The following BTAF1 variants were observed in gnomAD, a reference collection of about 807,000 sequenced individuals.
BTAF1 encodes the protein TATA-binding protein-associated factor 172.
BTAF1 carries 38 observed loss-of-function variants against 227.1 expected under a neutral mutation model. The ratio of observed to expected loss-of-function variants is 0.17; its 90% CI spans 0.13 to 0.22. BTAF1 has a LOEUF of 0.22. Among genes scored for constraint, BTAF1 ranks in the 10% least tolerant of loss-of-function variants. The pLI is 1.00. For missense variants in BTAF1, 1,598 were observed against 2,204.0 expected, an observed-to-expected ratio of 0.73 and a Z score of 5.51; for synonymous variants, 742 against 751.9, an observed-to-expected ratio of 0.99 and a Z score of 0.21.
At chr10:92,004,337 C>G (rs1478278198) in intron 25 of BTAF1, among the ~76,000 whole-genome samples, 1 of 152,124 alleles carries the variant, frequency 6.6e-6, no homozygotes, top group Non-Finnish European at 1.5e-5. Flanking sequence ...ATTATACTTA[C>G]CAGTTGAGCA....
chr10:92,011,042 GT>G (rs751111415), intron 28 of BTAF1, 30 bp from the exon 29 acceptor site: 9 of 1,532,068 alleles, frequency 5.9e-6, no homozygotes, highest in Non-Finnish European at 8.0e-6. Context: ...CAGGGTCTCT[GT>G]TTTCTAATTT....
intron 2 of BTAF1, among the ~76,000 whole-genome samples, chr10:91,937,012 CTT>C (rs373795380): frequency 9.1e-5 from 13 of 143,066 alleles, no homozygotes; most frequent in Non-Finnish European, 9.2e-5. Flanking sequence ...GTTTTGTTTT[CTT>C]TTTTTTTTTT....
intron 20 of BTAF1, among the ~76,000 whole-genome samples, chr10:91,990,053 T>C (rs1325185648): frequency 1.3e-5 from 2 of 152,240 alleles, no homozygotes; most frequent in Non-Finnish European, 2.9e-5. Flanking sequence ...TTTTAGTAAA[T>C]AATACTTAAC....
chr10:92,024,732 G>GTTTTTTTGTGT, intron 34 of BTAF1, 24 bp from the exon 35 acceptor site: 1 of 1,267,284 alleles, frequency 7.9e-7, no homozygotes, highest in African/African-American at 1.6e-5. Context: ...CGCTTATGTA[G>GTTTTTTTGTGT]TTTTTTTTTT....
intron 28 of BTAF1, among the ~76,000 whole-genome samples, chr10:92,010,447 G>T (rs1850220303): frequency 6.6e-6 from 1 of 152,152 alleles, no homozygotes; most frequent in Admixed American, 6.6e-5. Flanking sequence ...GCAGATTGTT[G>T]CTTCAGGCCC....
chr10:91,989,295 C>T lies in BTAF1; in HGVS notation c.2569C>T (p.His857Tyr). 6.2e-7 allele frequency: 1 copy of T among 1,614,152 alleles called. No homozygotes were observed. Among genetic ancestry groups the T allele is most frequent in the Non-Finnish European group, 8.5e-7 (1 of 1,180,034 alleles). The change falls in exon 20 of 38, where the codon CAT becomes TAT. Residue 857 changes from histidine (H) to tyrosine (Y), a missense_variant. His to Tyr is a moderately conservative substitution (Grantham distance 83). Around this residue, in one of 10 missense-constraint regions of BTAF1, gnomAD observed 425 missense variants for 491.2 expected, o/e 0.87. Coordinates refer to ENST00000265990, the MANE Select transcript of BTAF1 (RefSeq NM_003972.3). ...GTGGCAAGTGTTGCAGTTGAGAGTG[C>T]ATACTTTTGCTGCCTGTGCAGTTGT... ...QEWQVLQLRV[H>Y]TFAACAVVSL...
chr10:91,980,996 C>T (rs925569012), intron 15 of BTAF1, among the ~76,000 whole-genome samples: 18 of 151,964 alleles, frequency 1.2e-4, no homozygotes, highest in South Asian at 4.1e-4. Flanking sequence ...AAGGAGGAGC[C>T]GTTTGATATA....
chr10:91,950,149 G>GT (rs142564084), intron 4 of BTAF1, among the ~76,000 whole-genome samples: 2 of 39,596 alleles, frequency 5.1e-5, no homozygotes, highest in African/African-American at 1.3e-4. Flanking sequence ...TGTCCTTTGT[G>GT]GGGGGGGGCG....
intron 2 of BTAF1, among the ~76,000 whole-genome samples, chr10:91,936,714 A>G (rs1363912070): frequency 6.6e-6 from 1 of 152,234 alleles, no homozygotes; most frequent in Admixed American, 6.5e-5. Context: ...ATTAGGCAGT[A>G]TTCGTGTGTA....
Position 92,005,847 on chromosome 10 carries a change from G to A in BTAF1, c.3661-2276G>A, listed in dbSNP as rs1849840896. ...TTATACTATTGCAGATCTTTTTTAT[G>A]TCTGGTTTATGTTTTTGTTTTTTGG... is the stretch of plus-strand genomic sequence containing the variant. On this transcript the variant is annotated intron_variant, in intron 25 of 37. Coordinates refer to ENST00000265990, the MANE Select transcript of BTAF1 (RefSeq NM_003972.3). Among the ~76,000 whole-genome samples, 4 of 150,648 alleles carry A rather than the reference G, an allele frequency of 2.7e-5. No homozygotes were observed. In the South Asian group the frequency reaches 6.3e-4, roughly 24 times the overall value.
At chr10:91,926,299 G>A (rs955491473) in intron 1 of BTAF1, among the ~76,000 whole-genome samples, 1 of 152,150 alleles carries the variant, frequency 6.6e-6, no homozygotes, top group African/African-American at 2.4e-5. Context: ...TATTTCATAT[G>A]CATAACTGAA....
chr10:91,936,842 A>G (rs1844646054), intron 2 of BTAF1, among the ~76,000 whole-genome samples: 1 of 152,136 alleles, frequency 6.6e-6, no homozygotes, highest in African/African-American at 2.4e-5. Flanking sequence ...TGAACTGAGA[A>G]AAGTTTTCCA....
At chr10:91,932,775 T>G (rs1844357402) in intron 1 of BTAF1, among the ~76,000 whole-genome samples, 1 of 152,274 alleles carries the variant, frequency 6.6e-6, no homozygotes. Flanking sequence ...TGAATCCTGT[T>G]GGATGGGAGC....
intron 14 of BTAF1, among the ~76,000 whole-genome samples, chr10:91,967,471 A>G (rs552234736): frequency 6.6e-6 from 1 of 152,290 alleles, no homozygotes; most frequent in Admixed American, 6.5e-5. Context: ...TGGGCCAATC[A>G]TTTTTTAAAA....
chr10:92,010,966 G>C, intron 28 of BTAF1, 107 bp from the exon 29 acceptor site: 9 of 801,130 alleles, frequency 1.1e-5, no homozygotes, highest in Non-Finnish European at 1.9e-5. Context: ...GTAAGCAGAA[G>C]GGAATGCTGG....
intron 14 of BTAF1, among the ~76,000 whole-genome samples, chr10:91,975,115 G>A (rs145574376): frequency 2.0e-5 from 3 of 152,142 alleles, no homozygotes; most frequent in African/African-American, 7.2e-5. Flanking sequence ...TCCTAGACAT[G>A]AATCTCCTAT....
chr10:91,958,854 AT>A (rs1317396593), intron 8 of BTAF1, among the ~76,000 whole-genome samples: 1 of 152,178 alleles, frequency 6.6e-6, no homozygotes, highest in African/African-American at 2.4e-5. Context: ...TTCTTGCTTG[AT>A]TTTTAAAAAA....
Position 91,972,005 on chromosome 10 carries a change from T to G in BTAF1, c.1650+5248T>G, listed in dbSNP as rs999581130. ...TTCTAATTTACCTACTTCTGCCTTC[T>G]GTGTATTCATAAAAATTATCATCCT... On this transcript the variant is annotated intron_variant, in intron 14 of 37. Transcript: ENST00000265990. Among the ~76,000 whole-genome samples, 3 of 152,192 alleles carry G rather than the reference T, an allele frequency of 2.0e-5. No homozygotes were observed. The East Asian group carries it at 5.8e-4, about 29-fold the overall frequency.
intron 3 of BTAF1, among the ~76,000 whole-genome samples, chr10:91,941,387 ATACTT>A (rs1349084655): frequency 6.6e-6 from 1 of 152,378 alleles, no homozygotes; most frequent in East Asian, 1.9e-4. Flanking sequence ...TTAAGCAGTT[ATACTT>A]TAGTTTACAG....
Sources: allele counts gnomAD v4.1 joint callset (sites outside exome capture counted in the v4.1 genomes callset), GRCh38; gene constraint gnomAD v4.1.1; regional missense constraint gnomAD v4.1.1; transcripts MANE v1.5; gene names NCBI Gene and HGNC (gene_info 2026-07-23, HGNC 2026-07-21).